The following MICAL2 variants were observed in gnomAD, a reference collection of about 807,000 sequenced individuals.
MICAL2 encodes [F-actin]-monooxygenase MICAL2.
Under a neutral mutation model 127.3 loss-of-function variants are expected in MICAL2, and 77 were observed. That is an observed-to-expected ratio of 0.60 (90% CI 0.50 to 0.73). The LOEUF (loss-of-function observed/expected upper bound fraction) is 0.73, where lower values mean the gene tolerates loss of function less well. MICAL2 is among the 30% of genes least tolerant of loss of function. MICAL2 has a pLI of 0.00. For missense variants in MICAL2, 1,351 were observed against 1,434.4 expected, an observed-to-expected ratio of 0.94 and a Z score of 0.94; for synonymous variants, 570 against 551.1, an observed-to-expected ratio of 1.03 and a Z score of -0.48.
intron 33 of MICAL2, chr11:12,349,992 G>A: frequency 6.7e-7 from 1 of 1,487,822 alleles, no homozygotes; most frequent in Non-Finnish European, 9.4e-7. Flanking sequence ...GGCAAAGGGG[G>A]GTGGCTTACC....
intron 33 of MICAL2, among the ~76,000 whole-genome samples, chr11:12,354,631 A>G (rs1939103801): frequency 1.3e-5 from 2 of 152,228 alleles, no homozygotes; most frequent in African/African-American, 4.8e-5. Context: ...TCGGTCTCAG[A>G]AAAATAATAA....
chr11:12,204,598 A>G (rs1254318134), intron 4 of MICAL2, 141 bp downstream of exon 4: 3 of 798,600 alleles, frequency 3.8e-6, no homozygotes, highest in Non-Finnish European at 5.9e-6. Context: ...GACAACTAGT[A>G]AAAGGCCTGC....
intron 10 of MICAL2, 60 bp downstream of exon 10, chr11:12,221,819 C>A: frequency 7.4e-7 from 1 of 1,358,486 alleles, no homozygotes; most frequent in Non-Finnish European, 1.0e-6. Context: ...GGAAAGGGGG[C>A]AAGATCACCC....
downstream of MICAL2, chr11:12,358,645 A>G (rs1939165520): frequency 3.6e-6 from 2 of 554,144 alleles, no homozygotes; most frequent in Non-Finnish European, 5.8e-6. Context: ...CAGCTTCCCA[A>G]GGTTCTTCCA....
chr11:12,218,019 AC>A (rs1856397878), intron 8 of MICAL2, among the ~76,000 whole-genome samples: 3 of 152,142 alleles, frequency 2.0e-5, no homozygotes, highest in Non-Finnish European at 4.4e-5. Context: ...TCCTCTCCCT[AC>A]ATGGATCCAT....
At chr11:12,209,675 G>C in intron 6 of MICAL2, 77 bp downstream of exon 6, 4 of 1,323,562 alleles carry the variant, frequency 3.0e-6, no homozygotes, top group Non-Finnish European at 4.4e-6. Flanking sequence ...GTTGGAGAAA[G>C]TGGGCAAGAT....
At chr11:12,259,705 C>T (rs186919976) in intron 25 of MICAL2, 90 bp from the exon 26 acceptor site, 16 of 1,206,662 alleles carry the variant, frequency 1.3e-5, no homozygotes, top group African/African-American at 3.1e-5. Context: ...CAGGGTCTGG[C>T]GAGTTCAGTT....
At chr11:12,313,730 G>A (rs1442995535) in intron 29 of MICAL2, among the ~76,000 whole-genome samples, 1 of 151,518 alleles carries the variant, frequency 6.6e-6, no homozygotes, top group Non-Finnish European at 1.5e-5. Flanking sequence ...TATTTTGTCT[G>A]GTTTTTCTGT....
At chr11:12,282,551 G>A (rs1304774117) in intron 2 of MICAL2, among the ~76,000 whole-genome samples, 1 of 152,208 alleles carries the variant, frequency 6.6e-6, no homozygotes, top group African/African-American at 2.4e-5. Context: ...AACCAGTTTA[G>A]GAGGGATAGA....
In MICAL2 at chr11:12,258,492, T is replaced by C; in HGVS notation, c.3167T>C (p.Phe1056Ser). Residue 1056 changes from phenylalanine (F) to serine (S), a missense_variant, in exon 25 of 28, where the codon TTC (phenylalanine) becomes TCC (serine). This residue lies in a region of MICAL2 where 752 missense variants were observed against 719.4 expected (regional missense o/e 1.05). Coordinates refer to ENST00000683283, the MANE Select transcript of MICAL2 (RefSeq NM_001282663.2). ...GGCAAATTTTACTGCAAGCCTCACT[T>C]CATTCACTGTAAAACCAATAGCAAA... is the stretch of plus-strand genomic sequence containing the variant. ...DEGKFYCKPHFIHCKTNSKQR... is the reference protein window; with the variant it reads ...DEGKFYCKPHSIHCKTNSKQR... The C allele has an allele frequency of 6.2e-7, 1 of 1,614,154 alleles. No individual in the cohort carries two copies. The highest frequency in any genetic ancestry group is 8.5e-7 in the Non-Finnish European group (1 of 1,180,014).
intron 18 of MICAL2, among the ~76,000 whole-genome samples, 183 bp downstream of exon 18, chr11:12,241,345 T>A (rs1040578516): frequency 2.0e-5 from 3 of 152,172 alleles, no homozygotes; most frequent in Non-Finnish European, 4.4e-5. Flanking sequence ...AAAATACATT[T>A]TATTGATCCC....
chr11:12,220,415 C>T lies in MICAL2; in HGVS notation c.1163C>T (p.Ala388Val), dbSNP rs78682404. 2,461 of 1,611,592 alleles carry T rather than the reference C, an allele frequency of 1.5e-3. 4 individuals carry two copies. Among genetic ancestry groups the T allele is most frequent in the Non-Finnish European group, 1.9e-3 (2,263 of 1,179,896 alleles). Reference sequence around the variant, plus strand: ...GCGGCCCTGGTGCGGGAGCGGCAGGCGCACCAGCTGCTCGTGGCCCTTGTG... The same window carrying T: ...GCGGCCCTGGTGCGGGAGCGGCAGGTGCACCAGCTGCTCGTGGCCCTTGTG... ...ENAALVRERQ[A>V]HQLLVALVGD... The change falls in exon 9 of 28, where the codon GCG (alanine) becomes GTG (valine). Residue 388 changes from alanine (A) to valine (V), a missense_variant. Transcript: ENST00000683283.
chr11:12,180,335 G>GTGTATA (rs140219557), intron 3 of MICAL2, among the ~76,000 whole-genome samples: 56,786 of 126,168 alleles, frequency 0.45, 13,784 homozygotes, highest in Middle Eastern at 0.59. Flanking sequence ...TTATATACAT[G>GTGTATA]TATATATGTA....
chr11:12,152,769 C>T (rs1853739967), intron 2 of MICAL2, among the ~76,000 whole-genome samples: 1 of 150,590 alleles, frequency 6.6e-6, no homozygotes, highest in Non-Finnish European at 1.5e-5. Context: ...AAAAATATTT[C>T]ATTGAACCAA....
downstream of MICAL2, among the ~76,000 whole-genome samples, chr11:12,264,349 C>G (rs1188415896): frequency 6.6e-6 from 1 of 152,148 alleles, no homozygotes; most frequent in Non-Finnish European, 1.5e-5. Flanking sequence ...CTCTCCTGTC[C>G]CAAAGGCTCA....
chr11:12,115,924 G>A (rs1589957931), intron 1 of MICAL2, among the ~76,000 whole-genome samples: 1 of 151,122 alleles, frequency 6.6e-6, no homozygotes, highest in Non-Finnish European at 1.5e-5. Flanking sequence ...TTATTTCCAC[G>A]ATGAACATAT....
chr11:12,322,858 C>T (rs146123058), intron 30 of MICAL2, among the ~76,000 whole-genome samples: 2 of 152,184 alleles, frequency 1.3e-5, no homozygotes, highest in African/African-American at 2.4e-5. Context: ...GTGTTCTTCC[C>T]ATGTCTTTTT....
intron 1 of MICAL2, among the ~76,000 whole-genome samples, chr11:12,125,110 G>C (rs1217052712): frequency 6.6e-6 from 1 of 152,242 alleles, no homozygotes; most frequent in East Asian, 1.9e-4. Context: ...CCACCCGCCA[G>C]AGCTCATCTC....
intron 2 of MICAL2, among the ~76,000 whole-genome samples, chr11:12,285,298 A>G (rs1863812685): frequency 6.6e-6 from 1 of 152,144 alleles, no homozygotes. Context: ...TACAATAGTG[A>G]TGTTAGCCTC....
Sources: allele counts gnomAD v4.1 joint callset (sites outside exome capture counted in the v4.1 genomes callset), GRCh38; gene constraint gnomAD v4.1.1; regional missense constraint gnomAD v4.1.1; transcripts MANE v1.5; gene names NCBI Gene and HGNC (gene_info 2026-07-23, HGNC 2026-07-21).